The following DPYD variants were observed in gnomAD, a reference collection of about 807,000 sequenced individuals.
DPYD encodes dihydropyrimidine dehydrogenase [NADP(+)].
A neutral mutation model predicts 116.2 loss-of-function variants in DPYD; 109 were observed. The ratio of observed to expected loss-of-function variants is 0.94; its 90% CI spans 0.80 to 1.10. The LOEUF is 1.10. Among genes scored for constraint, DPYD ranks in the 50% least tolerant of loss-of-function variants. DPYD has a pLI of 0.00. For missense variants in DPYD, 1,302 were observed against 1,254.5 expected, an observed-to-expected ratio of 1.04 and a Z score of -0.57; for synonymous variants, 440 against 432.0, an observed-to-expected ratio of 1.02 and a Z score of -0.23.
intron 20 of DPYD, among the ~76,000 whole-genome samples, chr1:97,182,626 A>C (rs774618652): frequency 6.6e-6 from 1 of 152,154 alleles, no homozygotes; most frequent in Non-Finnish European, 1.5e-5. Context: ...GTGGGGACAA[A>C]GCTGTAATGG....
intron 16 of DPYD, among the ~76,000 whole-genome samples, chr1:97,340,545 G>A (rs1457496024): frequency 1.3e-5 from 2 of 152,070 alleles, no homozygotes; most frequent in Non-Finnish European, 2.9e-5. Context: ...GTTGTGATGT[G>A]TGCCTGTGGT....
intron 19 of DPYD, among the ~76,000 whole-genome samples, chr1:97,208,255 T>G (rs1211472476): frequency 6.6e-6 from 1 of 151,494 alleles, no homozygotes; most frequent in African/African-American, 2.4e-5. Context: ...TCTCTTTCTT[T>G]CTTTCTTTCT....
intron 14 of DPYD, among the ~76,000 whole-genome samples, chr1:97,438,865 C>A (rs1675604758): frequency 2.0e-5 from 3 of 151,980 alleles, no homozygotes; most frequent in African/African-American, 7.2e-5. Flanking sequence ...TCTTCCTTTG[C>A]AGTCTTTTAT....
chr1:97,623,745 G>C (rs1224728417), intron 8 of DPYD, among the ~76,000 whole-genome samples: 2 of 151,746 alleles, frequency 1.3e-5, no homozygotes, highest in African/African-American at 4.8e-5. Flanking sequence ...CAAAGCTAGA[G>C]TAATTAAAAC....
intron 6 of DPYD, among the ~76,000 whole-genome samples, chr1:97,692,805 C>T (rs1661083890): frequency 6.6e-6 from 1 of 152,012 alleles, no homozygotes; most frequent in Admixed American, 6.6e-5. Context: ...TGTATATATA[C>T]ATAAAATAGC....
intron 18 of DPYD, among the ~76,000 whole-genome samples, chr1:97,268,346 G>T (rs1664363592): frequency 6.6e-6 from 1 of 152,036 alleles, no homozygotes; most frequent in Non-Finnish European, 1.5e-5. Flanking sequence ...CACTCCCATG[G>T]CTCTACTAAG....
chr1:97,365,081 T>C (rs1385862167), intron 16 of DPYD, among the ~76,000 whole-genome samples: 2 of 152,208 alleles, frequency 1.3e-5, no homozygotes, highest in African/African-American at 4.8e-5. Context: ...TCTTCTCTCT[T>C]GCCTTATCTT....
chr1:97,627,194 G>A (rs1304864899), intron 8 of DPYD, among the ~76,000 whole-genome samples: 3 of 151,962 alleles, frequency 2.0e-5, no homozygotes, highest in Non-Finnish European at 4.4e-5. Context: ...TACACATTTA[G>A]GGAGACATAA....
At chr1:97,542,071 T>C (rs535225972) in intron 12 of DPYD, among the ~76,000 whole-genome samples, 24 of 152,274 alleles carry the variant, frequency 1.6e-4, no homozygotes, top group Non-Finnish European at 2.9e-4. Flanking sequence ...GATCTGACAC[T>C]ACCATATCAT....
At chr1:97,737,454 C>T (rs1489184204) in intron 4 of DPYD, among the ~76,000 whole-genome samples, 2 of 152,024 alleles carry the variant, frequency 1.3e-5, no homozygotes, top group Admixed American at 1.3e-4. Flanking sequence ...TGGGAGAAAC[C>T]CCAATCAACT....
intron 13 of DPYD, among the ~76,000 whole-genome samples, chr1:97,489,087 C>G (rs1678823187): frequency 6.6e-6 from 1 of 152,198 alleles, no homozygotes; most frequent in Admixed American, 6.5e-5. Flanking sequence ...TGCATCATCA[C>G]CACTATTTGA....
At chr1:97,727,703 G>A (rs1261332930) in intron 4 of DPYD, among the ~76,000 whole-genome samples, 1 of 151,724 alleles carries the variant, frequency 6.6e-6, no homozygotes, top group East Asian at 1.9e-4. Context: ...TTGAAGAAAT[G>A]GTAGATAACT....
chr1:97,088,318 T>C (rs1476209617), intron 21 of DPYD, among the ~76,000 whole-genome samples: 1 of 152,246 alleles, frequency 6.6e-6, no homozygotes, highest in East Asian at 1.9e-4. Flanking sequence ...AATGGTTACT[T>C]TCCTTCAAGA....
At chr1:97,763,470 G>T (rs1055882560) in intron 3 of DPYD, among the ~76,000 whole-genome samples, 13 of 151,498 alleles carry the variant, frequency 8.6e-5, no homozygotes, top group African/African-American at 2.9e-4. Flanking sequence ...TCTGGCAAAA[G>T]CACACCCAAT....
chr1:97,087,856 TTCTC>T (rs1649624687), intron 21 of DPYD, among the ~76,000 whole-genome samples: 1 of 152,126 alleles, frequency 6.6e-6, no homozygotes, highest in South Asian at 2.1e-4. Context: ...AGTCAAACAG[TTCTC>T]TCTAATTATA....
chr1:97,711,759 A>G (rs1662298345), intron 5 of DPYD, among the ~76,000 whole-genome samples: 1 of 151,902 alleles, frequency 6.6e-6, no homozygotes, highest in Non-Finnish European at 1.5e-5. Context: ...GTTTTTTATT[A>G]TTATTTTTAT....
At chr1:97,807,042 ATTTATTTAGGC>A (rs1330552890) in intron 3 of DPYD, among the ~76,000 whole-genome samples, 3 of 151,990 alleles carry the variant, frequency 2.0e-5, no homozygotes, top group African/African-American at 7.2e-5. Context: ...ATGTACCACA[ATTTATTTAGGC>A]TTTCATCTTC....
chr1:97,587,396 A>G (rs1284043073), intron 10 of DPYD, among the ~76,000 whole-genome samples: 1 of 152,228 alleles, frequency 6.6e-6, no homozygotes, highest in Non-Finnish European at 1.5e-5. Context: ...CCAAACGTTG[A>G]AGAACTGCTG....
rs930417094 is a variant in DPYD, at chr1:97,080,689, A to G, written c.2908-1543T>C. Among the ~76,000 whole-genome samples the G allele has an allele frequency of 2.6e-5, 4 of 152,178 alleles. 1 individual carries two copies. The highest frequency in any genetic ancestry group is 2.6e-4 in the Admixed American group (4 of 15,266). On this transcript the variant is annotated intron_variant, in intron 22 of 22. Transcript: ENST00000370192. ...TTTTATATAAATGGAAACTCAATGA[A>G]GTAACTGATAAAAATTAAGACTAAT... is the stretch of plus-strand genomic sequence containing the variant.
Sources: allele counts gnomAD v4.1 joint callset (sites outside exome capture counted in the v4.1 genomes callset), GRCh38; gene constraint gnomAD v4.1.1; transcripts MANE v1.5; gene names NCBI Gene and HGNC (gene_info 2026-07-23, HGNC 2026-07-21).